Variants in DTNA observed in about 807,000 individuals in gnomAD.
The protein encoded by DTNA is dystrophin-related protein 3.
DTNA carries 43 observed loss-of-function variants against 100.7 expected under a neutral mutation model. That is an observed-to-expected ratio of 0.43 (90% confidence interval 0.33 to 0.55). DTNA has a LOEUF of 0.55. Ranked by LOEUF, DTNA falls within the 20% of genes least tolerant of loss-of-function variation. The pLI is 0.04. For missense variants in DTNA, 798 were observed against 953.9 expected (o/e 0.84, Z 2.15); for synonymous variants, 349 against 347.9 (o/e 1.00, Z -0.04).
At chr18:34,639,614 CAAAATCTCCTTCAGCAAA>C (rs1383585584) in intron 1 of DTNA, among the ~76,000 whole-genome samples, 1 of 152,166 alleles carries the variant, frequency 6.6e-6, no homozygotes, top group East Asian at 1.9e-4. Context: ...CATAGTACTG[CAAAATCTCCTTCAGCAAA>C]AGGCTTTTAT....
intron 1 of DTNA, among the ~76,000 whole-genome samples, chr18:34,748,144 TG>T (rs2091889597): frequency 6.6e-6 from 1 of 152,200 alleles, no homozygotes; most frequent in South Asian, 2.1e-4. Context: ...GCCTACTTTT[TG>T]ATGGGATTAG....
intron 1 of DTNA, among the ~76,000 whole-genome samples, chr18:34,501,114 A>T (rs1393970493): frequency 6.6e-6 from 1 of 152,136 alleles, no homozygotes; most frequent in Non-Finnish European, 1.5e-5. Context: ...TTCTTTATCA[A>T]ATTGAAGAAT....
intron 1 of DTNA, among the ~76,000 whole-genome samples, chr18:34,726,076 G>A (rs1167189796): frequency 6.6e-6 from 1 of 152,030 alleles, no homozygotes; most frequent in East Asian, 1.9e-4. Flanking sequence ...GGGAGGGAAC[G>A]TCACACACCA....
At chr18:34,652,843 C>T (rs1230623271) in intron 1 of DTNA, among the ~76,000 whole-genome samples, 1 of 152,140 alleles carries the variant, frequency 6.6e-6, no homozygotes, top group East Asian at 1.9e-4. Context: ...TCCAGGGATC[C>T]AATCTATCAT....
intron 1 of DTNA, among the ~76,000 whole-genome samples, chr18:34,532,124 T>G (rs1003342041): frequency 6.6e-6 from 1 of 152,098 alleles, no homozygotes; most frequent in Non-Finnish European, 1.5e-5. Context: ...GACATCCGCC[T>G]CCTCTTAGTG....
chr18:34,738,752 A>G (rs2090108909), intron 1 of DTNA, among the ~76,000 whole-genome samples: 1 of 152,168 alleles, frequency 6.6e-6, no homozygotes, highest in Non-Finnish European at 1.5e-5. Flanking sequence ...GCCTTTTTGC[A>G]CACCTCTGGA....
chr18:34,848,494 T>C (rs1214689005), intron 14 of DTNA, 111 bp downstream of exon 14: 2 of 1,144,788 alleles, frequency 1.7e-6, no homozygotes, highest in African/African-American at 1.5e-5. Context: ...CAATTTGTGC[T>C]AATTTATTGT....
intron 1 of DTNA, among the ~76,000 whole-genome samples, chr18:34,650,142 C>G (rs1243872807): frequency 6.6e-6 from 1 of 152,124 alleles, no homozygotes; most frequent in African/African-American, 2.4e-5. Flanking sequence ...CTCCGTTGCA[C>G]GGATCAGCCA....
In DTNA at chr18:34,872,501, A is replaced by G. The variant is rs532488806; in HGVS notation, c.1744-2738A>G. 1.0e-4 allele frequency among the ~76,000 whole-genome samples: 16 copies of G among 152,384 alleles called. No homozygotes were observed. The South Asian group carries it at 3.1e-3, about 30-fold the overall frequency. On this transcript the variant is annotated intron_variant, in intron 17 of 22. Coordinates refer to ENST00000444659, the MANE Select transcript of DTNA (RefSeq NM_001386795.1). ...GGCATTTATCTGATTTTGAAAAGCA[A>G]TATGATGCAGATATCGTATCAGTTA...
intron 5 of DTNA, among the ~76,000 whole-genome samples, chr18:34,810,050 G>C (rs1044882811): frequency 6.6e-6 from 1 of 152,108 alleles, no homozygotes; most frequent in African/African-American, 2.4e-5. Flanking sequence ...TGGAACATTT[G>C]TTTATACTTC....
At chr18:34,862,140 A>AAAAGAG (rs1555881847) in intron 16 of DTNA, among the ~76,000 whole-genome samples, 3 of 146,928 alleles carry the variant, frequency 2.0e-5, no homozygotes, top group African/African-American at 5.1e-5. Flanking sequence ...AAAAAAAAAA[A>AAAAGAG]AAAGAGAAAG....
Position 34,890,277 on chromosome 18 carries a change from C to T in DTNA, c.*2543C>T. The T allele has an allele frequency of 6.5e-7, 1 of 1,528,496 alleles. No homozygotes were observed. The highest frequency in any genetic ancestry group is 8.8e-7 in the Non-Finnish European group (1 of 1,141,880). 94.7% of individuals were successfully genotyped at this position (1,528,496 alleles called of 1,614,324 possible). A position where few individuals can be genotyped will look rare whatever the true frequency, so the allele number is the denominator to read the frequency against. On this transcript the variant is annotated 3_prime_UTR_variant, in exon 23 of 23. Coordinates refer to ENST00000444659, the MANE Select transcript of DTNA (RefSeq NM_001386795.1). Reference sequence around the variant, plus strand: ...CGCCAATGACCAATTTCTGACTAACCAGCCACCTTTTCTCTCTCTTAGCTC... The same window carrying T: ...CGCCAATGACCAATTTCTGACTAACTAGCCACCTTTTCTCTCTCTTAGCTC...
At position 34,851,969 on chromosome 18, in the gene DTNA, C is replaced by T. The variant is rs778924006; in HGVS notation, c.1532+41C>T. The T allele has an allele frequency of 4.4e-6, 7 of 1,589,544 alleles. No individual in the cohort carries two copies. In the Admixed American group the frequency reaches 6.7e-5, roughly 15 times the overall value. On this transcript the variant is annotated intron_variant, in intron 15 of 22. Transcript: ENST00000444659. ...CGTGCTGGCTTGTTTGATCAATGTG[C>T]GCATTCCTTAATAAACTATGGTCGT...
At chr18:34,769,037 G>T (rs1252179589) in intron 3 of DTNA, among the ~76,000 whole-genome samples, 2 of 152,052 alleles carry the variant, frequency 1.3e-5, no homozygotes, top group Non-Finnish European at 2.9e-5. Flanking sequence ...TAAAATTCCT[G>T]TATTTCAGGA....
Position 34,889,343 on chromosome 18 carries a change from T to C in DTNA, c.*1609T>C. The C allele has an allele frequency of 1.0e-6, 1 of 981,968 alleles. No individual in the cohort carries two copies. Among genetic ancestry groups the C allele is most frequent in the Non-Finnish European group, 1.2e-6 (1 of 826,830 alleles). The allele number at this position is 981,968 out of a possible 1,614,324, so 60.8% of individuals were successfully genotyped here. Reference sequence around the variant, plus strand: ...ACCTCAGGCCTACTGAATCAGAAGCTCTGGGGGTTGGGTCCAGAAGTCTGT... The same window carrying C: ...ACCTCAGGCCTACTGAATCAGAAGCCCTGGGGGTTGGGTCCAGAAGTCTGT... On this transcript the variant is annotated 3_prime_UTR_variant, in exon 23 of 23. Transcript: ENST00000444659.
intron 17 of DTNA, among the ~76,000 whole-genome samples, chr18:34,864,929 A>C (rs1235580206): frequency 1.3e-5 from 2 of 152,228 alleles, no homozygotes; most frequent in East Asian, 3.9e-4. Flanking sequence ...TTCTTCTTTT[A>C]GTAAAGCCTT....
intron 9 of DTNA, among the ~76,000 whole-genome samples, chr18:34,821,662 C>A (rs1304157716): frequency 2.6e-5 from 4 of 152,148 alleles, no homozygotes; most frequent in Admixed American, 6.5e-5. Context: ...GAAAGAGTCT[C>A]ATTACCTGCT....
At chr18:34,758,327 G>C (rs575552352) in intron 2 of DTNA, among the ~76,000 whole-genome samples, 1 of 152,266 alleles carries the variant, frequency 6.6e-6, no homozygotes, top group East Asian at 1.9e-4. Context: ...ACAAAAGAAA[G>C]TGCCAATGAG....
At chr18:34,884,814 G>A (rs924268260) in intron 22 of DTNA, 38 bp downstream of exon 22, 99 of 1,602,930 alleles carry the variant, frequency 6.2e-5, no homozygotes, top group Non-Finnish European at 8.4e-5. Flanking sequence ...CATGGCCACT[G>A]TACACTGAAT....
Sources: gnomAD v4.1 joint callset for allele counts (sites outside exome capture counted in the v4.1 genomes callset) on GRCh38, gnomAD v4.1.1 for gene constraint, MANE v1.5 for transcripts, NCBI Gene and HGNC (gene_info 2026-07-23, HGNC 2026-07-21) for gene names.